The following PAPSS2 variants were observed in gnomAD, a reference collection of about 807,000 sequenced individuals.
The protein encoded by PAPSS2 is bifunctional 3'-phosphoadenosine 5'-phosphosulfate synthase 2.
Under a neutral mutation model 66.5 loss-of-function variants are expected in PAPSS2, and 61 were observed. The ratio of observed to expected loss-of-function variants is 0.92; its 90% CI spans 0.75 to 1.14. The LOEUF (loss-of-function observed/expected upper bound fraction) is 1.14, where lower values mean the gene tolerates loss of function less well. Among genes scored for constraint, PAPSS2 ranks in the 50% most tolerant of loss-of-function variants. The pLI, the probability that PAPSS2 is intolerant of heterozygous loss-of-function variation, is 0.00. For synonymous variants in PAPSS2, 289 were observed against 287.5 expected (o/e 1.01, Z -0.05); for missense variants, 708 against 789.6 (o/e 0.90, Z 1.24).
At chr10:87,714,664 C>T (rs1391122589) in intron 4 of PAPSS2, 81 bp from the exon 5 acceptor site, 2 of 882,290 alleles carry the variant, frequency 2.3e-6, no homozygotes. Flanking sequence ...ATACATTATT[C>T]CAACATGTGT....
At chr10:87,737,108 C>G (rs1853810261) in intron 9 of PAPSS2, among the ~76,000 whole-genome samples, 1 of 152,066 alleles carries the variant, frequency 6.6e-6, no homozygotes, top group African/African-American at 2.4e-5. Context: ...TGATTATGAT[C>G]AAAAGAGTAG....
chr10:87,686,550 G>A (rs1853091719), intron 1 of PAPSS2, among the ~76,000 whole-genome samples: 1 of 152,046 alleles, frequency 6.6e-6, no homozygotes, highest in Non-Finnish European at 1.5e-5. Flanking sequence ...CCTAGCCAGT[G>A]GACCACCTCA....
At chr10:87,672,564 A>G (rs1269456032) in intron 1 of PAPSS2, among the ~76,000 whole-genome samples, 4 of 152,188 alleles carry the variant, frequency 2.6e-5, no homozygotes, top group Non-Finnish European at 5.9e-5. Flanking sequence ...ATATCCATTA[A>G]ACATAGAAAT....
At chr10:87,733,028 A>G (rs1002231070) in intron 9 of PAPSS2, among the ~76,000 whole-genome samples, 1 of 152,172 alleles carries the variant, frequency 6.6e-6, no homozygotes, top group Non-Finnish European at 1.5e-5. Flanking sequence ...TTATTGGCAA[A>G]ATAATTCTTT....
Position 87,706,057 on chromosome 10 carries a change from C to G in PAPSS2, c.28-3139C>G, listed in dbSNP as rs528018986. Among the ~76,000 whole-genome samples, 518 of 130,972 alleles carry G rather than the reference C, an allele frequency of 4.0e-3. 3 individuals carry two copies. The highest frequency in any genetic ancestry group is 6.8e-3 in the Non-Finnish European group (429 of 63,078). 85.9% of individuals were successfully genotyped at this position (130,972 alleles called of 152,430 possible). ...AGGTTGTCTTTTTATTACTGAGTTGCCAGTGTGCTTTACGTTTCTTCACAT... is the reference window on the plus strand; with the variant it reads ...AGGTTGTCTTTTTATTACTGAGTTGGCAGTGTGCTTTACGTTTCTTCACAT... On this transcript the variant is annotated intron_variant, in intron 1 of 12. Transcript: ENST00000456849.
chr10:87,687,939 A>G (rs1033353913), intron 1 of PAPSS2, among the ~76,000 whole-genome samples: 2 of 152,186 alleles, frequency 1.3e-5, no homozygotes, highest in African/African-American at 2.4e-5. Flanking sequence ...TTTGATTTAG[A>G]CTGTGCTATT....
intron 1 of PAPSS2, chr10:87,660,399 C>G: frequency 3.1e-6 from 1 of 323,998 alleles, no homozygotes; most frequent in South Asian, 4.7e-5. Flanking sequence ...GACTCCCGTT[C>G]TGCCAGGTCT....
intron 9 of PAPSS2, among the ~76,000 whole-genome samples, chr10:87,738,506 C>T (rs1409303220): frequency 6.6e-6 from 1 of 152,088 alleles, no homozygotes; most frequent in Non-Finnish European, 1.5e-5. Context: ...CCTTCCCAGG[C>T]TCAGGTGATC....
intron 1 of PAPSS2, chr10:87,661,032 A>G (rs2762528): frequency 0.58 from 263,079 of 455,558 alleles, 77,297 homozygotes; most frequent in African/African-American, 0.74. Context: ...TCTCTAGTAG[A>G]TAGACGTGCA....
intron 9 of PAPSS2, among the ~76,000 whole-genome samples, chr10:87,727,817 A>C (rs1308084583): frequency 1.3e-5 from 2 of 152,164 alleles, no homozygotes; most frequent in Non-Finnish European, 1.5e-5. Flanking sequence ...CTATGCACAA[A>C]ACCATAATCA....
chr10:87,735,194 T>G (rs1853782059), intron 9 of PAPSS2, among the ~76,000 whole-genome samples: 1 of 152,130 alleles, frequency 6.6e-6, no homozygotes, highest in Admixed American at 6.6e-5. Context: ...CACAAAGCCC[T>G]GGGAAATTAA....
intron 7 of PAPSS2, among the ~76,000 whole-genome samples, chr10:87,718,492 A>G (rs760569876): frequency 2.0e-5 from 3 of 152,182 alleles, no homozygotes; most frequent in Non-Finnish European, 2.9e-5. Context: ...CTTGAAGCCT[A>G]CTAGTTCCAA....
Position 87,661,098 on chromosome 10 carries a change from G to A in PAPSS2, c.27+1090G>A, listed in dbSNP as rs778574121. 4.5e-4 allele frequency: 204 copies of A among 449,466 alleles called. 1 individual carries two copies. Among genetic ancestry groups the A allele is most frequent in the Non-Finnish European group, 8.0e-4 (178 of 223,274 alleles). The allele number at this position is 449,466 out of a possible 1,614,324, so 27.8% of individuals were successfully genotyped here. ...TTATTCTTATATAATGTGTATTACC[G>A]AAATATCTTTGAGGTGTATTTGTGG... is the stretch of plus-strand genomic sequence containing the variant. On this transcript the variant is annotated intron_variant, in intron 1 of 12. Coordinates refer to ENST00000456849, the MANE Select transcript of PAPSS2 (RefSeq NM_001015880.2).
chr10:87,704,130 G>A, intron 1 of PAPSS2: 1 of 427,096 alleles, frequency 2.3e-6, no homozygotes, highest in Non-Finnish European at 4.6e-6. Context: ...AACCTCAAGG[G>A]TGATTTTGAA....
At chr10:87,744,156 T>C (rs1156904611) in intron 11 of PAPSS2, among the ~76,000 whole-genome samples, 1 of 152,136 alleles carries the variant, frequency 6.6e-6, no homozygotes, top group Non-Finnish European at 1.5e-5. Context: ...ATACATTGCC[T>C]TTGAGAATAT....
At chr10:87,671,410 G>A (rs1016331514) in intron 1 of PAPSS2, among the ~76,000 whole-genome samples, 1 of 152,208 alleles carries the variant, frequency 6.6e-6, no homozygotes, top group African/African-American at 2.4e-5. Flanking sequence ...GTTTGGATGA[G>A]GCTCTGTGGC....
intron 7 of PAPSS2, among the ~76,000 whole-genome samples, chr10:87,720,730 T>G (rs1166299302): frequency 7.4e-6 from 1 of 134,516 alleles, no homozygotes; most frequent in East Asian, 2.4e-4. Flanking sequence ...TTCTGTCTAC[T>G]CAGTCCAAAA....
chr10:87,741,340 C>T lies in PAPSS2; in HGVS notation c.1192C>T (p.Leu398Phe). 2 of 1,613,616 alleles carry T rather than the reference C, an allele frequency of 1.2e-6. No individual in the cohort carries two copies. Among genetic ancestry groups the T allele is most frequent in the Non-Finnish European group, 8.5e-7 (1 of 1,179,566 alleles). ...CCAATACCGTCTGACACCTCTGGAG[C>T]TCAAACAGAAATGTAAAGAAATGAA... ...LDQYRLTPLE[L>F]KQKCKEMNAD... is the part of the protein sequence containing the mutation. The change falls in exon 10 of 13, where the codon CTC (leucine) becomes TTC (phenylalanine). Residue 398 changes from leucine to phenylalanine, a missense_variant. Physicochemically the swap from Leu to Phe is conservative, Grantham distance 22. Coordinates refer to ENST00000456849, the MANE Select transcript of PAPSS2 (RefSeq NM_001015880.2).
intron 1 of PAPSS2, among the ~76,000 whole-genome samples, chr10:87,707,385 G>T (rs1363677807): frequency 2.0e-5 from 3 of 151,942 alleles, no homozygotes; most frequent in Admixed American, 6.6e-5. Context: ...TGGTTTGGGG[G>T]GTGTCTACAG....
Sources: gnomAD v4.1 joint callset for allele counts (sites outside exome capture counted in the v4.1 genomes callset) on GRCh38, gnomAD v4.1.1 for gene constraint, MANE v1.5 for transcripts, NCBI Gene and HGNC (gene_info 2026-07-23, HGNC 2026-07-21) for gene names.